The following IL5RA variants were observed in gnomAD, a reference collection of about 807,000 sequenced individuals.
IL5RA encodes interleukin 5 receptor subunit alpha.
A neutral mutation model predicts 50.0 loss-of-function variants in IL5RA; 49 were observed. The ratio of observed to expected loss-of-function variants is 0.98; its 90% CI spans 0.78 to 1.24. The LOEUF is 1.24. IL5RA is among the 50% of genes most tolerant of loss of function. The pLI, the probability that IL5RA is intolerant of heterozygous loss-of-function variation, is 0.00. For missense variants in IL5RA, 600 were observed against 500.4 expected (o/e 1.20, Z -1.90); for synonymous variants, 202 against 174.0 (o/e 1.16, Z -1.26).
rs1201300055 is a variant in IL5RA at position 3,101,696 on chromosome 3, T to C, written c.363A>G (p.Pro121=). 2 of 1,613,536 alleles carry C rather than the reference T, an allele frequency of 1.2e-6. No homozygotes were observed. The highest frequency in any genetic ancestry group is 2.2e-5 in the South Asian group (2 of 90,942). The change falls in exon 5 of 12, where the codon CCA becomes CCG. Residue 121 remains proline, a synonymous_variant. Transcript: ENST00000446632. ...SSWASAELHA[P]PGSPGTSIVN... Reference sequence around the variant, plus strand: ...ACTTTTGGAGGCCTGCTTTACCTGGTGGGGCATGAAGTTCAGCAGAAGCCC... The same window carrying C: ...ACTTTTGGAGGCCTGCTTTACCTGGCGGGGCATGAAGTTCAGCAGAAGCCC...
Position 3,074,799 on chromosome 3 carries a change from C to A in IL5RA, c.1159G>T (p.Val387Leu), listed in dbSNP as rs1274491575. Residue 387 changes from valine (V) to leucine (L), a missense_variant, in exon 11 of 12, where the codon GTA (valine) becomes TTA (leucine). Val to Leu is a conservative substitution (Grantham distance 32, BLOSUM62 1). Transcript: ENST00000446632. ...APKSNIKDLF[V>L]TTNYEKAGSS... ...AACATTACCTCATAGTTAGTGGTTACAAAGAGATCTTTGATATTACTTTTT... is the reference window on the plus strand; with the variant it reads ...AACATTACCTCATAGTTAGTGGTTAAAAAGAGATCTTTGATATTACTTTTT... The A allele has an allele frequency of 6.2e-7, 1 of 1,604,444 alleles. No individual in the cohort carries two copies. Among genetic ancestry groups the A allele is most frequent in the African/African-American group, 1.3e-5 (1 of 74,678 alleles).
intron 9 of IL5RA, among the ~76,000 whole-genome samples, chr3:3,077,477 A>G (rs1459097177): frequency 6.6e-6 from 1 of 152,152 alleles, no homozygotes; most frequent in Non-Finnish European, 1.5e-5. Flanking sequence ...GGCGTCCAAG[A>G]CAAACTCAAG....
chr3:3,101,209 T>C (rs537925371), intron 5 of IL5RA, among the ~76,000 whole-genome samples: 18 of 150,802 alleles, frequency 1.2e-4, no homozygotes, highest in African/African-American at 4.4e-4. Context: ...AATGAGAAGA[T>C]CTTTATGTTT....
intron 9 of IL5RA, among the ~76,000 whole-genome samples, chr3:3,087,573 G>A (rs1215793709): frequency 6.6e-6 from 1 of 151,830 alleles, no homozygotes; most frequent in African/African-American, 2.4e-5. Context: ...CCACTTCTTG[G>A]CTGTTTGACA....
At chr3:3,085,496 C>T (rs1702820202) in intron 9 of IL5RA, among the ~76,000 whole-genome samples, 1 of 152,100 alleles carries the variant, frequency 6.6e-6, no homozygotes, top group South Asian at 2.1e-4. Context: ...ATTAGAGCTC[C>T]AGGTGGGAGT....
chr3:3,079,809 A>T (rs1702603201), intron 9 of IL5RA, among the ~76,000 whole-genome samples: 1 of 152,172 alleles, frequency 6.6e-6, no homozygotes, highest in Non-Finnish European at 1.5e-5. Flanking sequence ...GCCCACAGGC[A>T]GATCACTTGA....
intron 9 of IL5RA, chr3:3,090,366 C>T (rs1559869085): frequency 3.8e-6 from 3 of 779,262 alleles, no homozygotes; most frequent in Admixed American, 2.4e-5. Context: ...TTCCCACCAT[C>T]CCATGCTCTT....
Position 3,070,282 on chromosome 3 carries a change from T to A in IL5RA, c.1206A>T (p.Glu402Asp). 1 of 1,613,228 alleles carries A rather than the reference T, an allele frequency of 6.2e-7. No homozygotes were observed. The highest frequency in any genetic ancestry group is 8.5e-7 in the Non-Finnish European group (1 of 1,179,386). ...EKAGSSETEI[E>D]VICYIEKPGV... ...CAGGCTTCTCTATATAACAGATGAC[T>A]TCAATTTCCGTCTCACTGGACCCAG... The change falls in exon 12 of 12, where the codon GAA becomes GAT. Residue 402 changes from glutamate to aspartate, a missense_variant. Coordinates refer to ENST00000446632, the MANE Select transcript of IL5RA (RefSeq NM_175726.4).
intron 11 of IL5RA, among the ~76,000 whole-genome samples, chr3:3,072,910 TCAAA>T (rs1444308617): frequency 6.6e-6 from 1 of 152,076 alleles, no homozygotes; most frequent in Non-Finnish European, 1.5e-5. Context: ...AGACTCCATC[TCAAA>T]CAAACAAAAC....
intron 4 of IL5RA, 47 bp from the exon 5 acceptor site, chr3:3,101,877 T>C: frequency 1.3e-6 from 2 of 1,516,200 alleles, no homozygotes; most frequent in Admixed American, 3.7e-5. Flanking sequence ...AGAACTAGAC[T>C]TAAGAGAGCT....
intron 5 of IL5RA, among the ~76,000 whole-genome samples, chr3:3,101,485 A>T (rs1227619804): frequency 6.6e-6 from 1 of 152,228 alleles, no homozygotes; most frequent in Non-Finnish European, 1.5e-5. Context: ...GAGACAGTGG[A>T]TATTTCTGCA....
intron 7 of IL5RA, among the ~76,000 whole-genome samples, chr3:3,096,049 C>A (rs558437291): frequency 1.3e-5 from 2 of 152,020 alleles, no homozygotes; most frequent in African/African-American, 2.4e-5. Flanking sequence ...GAGGCCGAGG[C>A]GGGTGGATCA....
Position 3,083,583 on chromosome 3 carries a change from G to C in IL5RA, c.995-6956C>G, listed in dbSNP as rs534122696. 1.4e-4 allele frequency among the ~76,000 whole-genome samples: 22 copies of C among 152,282 alleles called. 1 individual carries two copies. The highest frequency in any genetic ancestry group is 5.1e-4 in the African/African-American group (21 of 41,546). On this transcript the variant is annotated intron_variant, in intron 9 of 11. Coordinates refer to ENST00000446632, the MANE Select transcript of IL5RA (RefSeq NM_175726.4). ...CTCATGGCAGTTTTCTTCTCTGCAGGCTTTCCCACAAAGCACCAAGGGCTA... is the reference window on the plus strand; with the variant it reads ...CTCATGGCAGTTTTCTTCTCTGCAGCCTTTCCCACAAAGCACCAAGGGCTA...
At chr3:3,090,816 G>A (rs1171929811) in intron 9 of IL5RA, among the ~76,000 whole-genome samples, 33 of 151,790 alleles carry the variant, frequency 2.2e-4, no homozygotes, top group Non-Finnish European at 3.8e-4. Flanking sequence ...CTCGTGATCT[G>A]CCCATCTCGG....
intron 1 of IL5RA, among the ~76,000 whole-genome samples, chr3:3,109,645 G>C (rs956538912): frequency 6.6e-6 from 1 of 152,196 alleles, no homozygotes. Flanking sequence ...AAGAATAGAA[G>C]GTTATACCCA....
Position 3,092,449 on chromosome 3 carries a change from C to A in IL5RA, c.856-87G>T. On this transcript the variant is annotated intron_variant, in intron 8 of 11. Transcript: ENST00000446632. The surrounding 1 kb of genome is among the most constrained non-coding windows in gnomAD (Gnocchi z 4.2). The stretch of plus-strand genomic sequence containing the variant: ...TCAGAATGGGAGGTCCTATATAGGT[C>A]ATGTGACTCACTGTTCAGCAAGTCC... 8.3e-7 allele frequency: 1 copy of A among 1,209,386 alleles called. No individual in the cohort carries two copies. The highest frequency in any genetic ancestry group is 1.3e-5 in the South Asian group (1 of 74,150). 74.9% of individuals were successfully genotyped at this position (1,209,386 alleles called of 1,614,324 possible). A position where few individuals can be genotyped will look rare whatever the true frequency, so the allele number is the denominator to read the frequency against.
At chr3:3,098,372 T>C in intron 5 of IL5RA, 82 bp from the exon 6 acceptor site, 3 of 1,244,154 alleles carry the variant, frequency 2.4e-6, no homozygotes, top group South Asian at 1.3e-5. Flanking sequence ...TATAGTGATG[T>C]GAACGTCGTA....
At position 3,092,612 on chromosome 3, in the gene IL5RA, C is replaced by T. The variant is rs1703177076; in HGVS notation, c.856-250G>A. Among the ~76,000 whole-genome samples the T allele has an allele frequency of 6.6e-6, 1 of 152,212 alleles. No homozygotes were observed. Among genetic ancestry groups the T allele is most frequent in the East Asian group, 1.9e-4 (1 of 5,196 alleles). ...ATCAACGGTCAAGATCCAGGTGTTC[C>T]TATCCAGGCCCAGCTGATGTTTCCA... On this transcript the variant is annotated intron_variant, in intron 8 of 11. Coordinates refer to ENST00000446632, the MANE Select transcript of IL5RA (RefSeq NM_175726.4). This position sits in a 1 kb window ranked among gnomAD's most constrained non-coding sequence, Gnocchi z 4.2.
chr3:3,097,174 T>C (rs1002441509), intron 7 of IL5RA, among the ~76,000 whole-genome samples: 1 of 152,186 alleles, frequency 6.6e-6, no homozygotes, highest in Non-Finnish European at 1.5e-5. Context: ...TCTTCTCTAT[T>C]GAGAACTGAG....
Sources: gnomAD v4.1 joint callset for allele counts (sites outside exome capture counted in the v4.1 genomes callset) on GRCh38, gnomAD v4.1.1 for gene constraint, Gnocchi (gnomAD v3.1) non-coding constraint, MANE v1.5 for transcripts, NCBI Gene and HGNC (gene_info 2026-07-23, HGNC 2026-07-21) for gene names.